The following STAG1 variants were observed in gnomAD, a reference collection of about 807,000 sequenced individuals.
STAG1 encodes the protein STAG1 cohesin complex component.
A neutral mutation model predicts 170.9 loss-of-function variants in STAG1; 26 were observed. That is an observed-to-expected ratio of 0.15 (90% CI 0.11 to 0.21). The LOEUF (loss-of-function observed/expected upper bound fraction) is 0.21, where lower values mean the gene tolerates loss of function less well. Ranked by LOEUF, STAG1 falls within the 10% of genes least tolerant of loss-of-function variation. STAG1 has a pLI of 1.00. For missense variants in STAG1, 964 were observed against 1,509.5 expected (o/e 0.64, Z 5.99); for synonymous variants, 514 against 497.7 (o/e 1.03, Z -0.44).
At chr3:136,563,307 A>G (rs1936917354) in intron 5 of STAG1, among the ~76,000 whole-genome samples, 1 of 152,082 alleles carries the variant, frequency 6.6e-6, no homozygotes, top group Non-Finnish European at 1.5e-5. Flanking sequence ...TACACCTTTC[A>G]GTGTGGTTGT....
chr3:136,621,923 A>C (rs909070926), intron 3 of STAG1, among the ~76,000 whole-genome samples: 1 of 151,510 alleles, frequency 6.6e-6, no homozygotes, highest in South Asian at 2.1e-4. Context: ...CAAACTATAA[A>C]ACTGGCTATT....
chr3:136,644,032 A>T (rs1435840386), intron 1 of STAG1, among the ~76,000 whole-genome samples: 1 of 152,172 alleles, frequency 6.6e-6, no homozygotes, highest in Non-Finnish European at 1.5e-5. Flanking sequence ...TACAGACCAT[A>T]ATCATGTTGT....
chr3:136,576,725 TAA>T (rs1270682393), intron 4 of STAG1, among the ~76,000 whole-genome samples: 3 of 152,170 alleles, frequency 2.0e-5, no homozygotes, highest in African/African-American at 7.2e-5. Flanking sequence ...AAGGTAAACC[TAA>T]AAGATAAATC....
chr3:136,694,826 G>T (rs1942834876), intron 1 of STAG1, among the ~76,000 whole-genome samples: 1 of 152,136 alleles, frequency 6.6e-6, no homozygotes. Context: ...TGTAAGTAGA[G>T]GCTGGGAAGC....
intron 16 of STAG1, among the ~76,000 whole-genome samples, chr3:136,430,944 C>T (rs2088285671): frequency 1.3e-5 from 2 of 151,702 alleles, no homozygotes; most frequent in Admixed American, 1.3e-4. Context: ...TACTCTGTCA[C>T]CCAGGCTAGA....
intron 27 of STAG1, among the ~76,000 whole-genome samples, chr3:136,358,157 G>T (rs1048315461): frequency 2.7e-5 from 4 of 150,548 alleles, no homozygotes; most frequent in Non-Finnish European, 5.9e-5. Context: ...GTGCTATCAT[G>T]GCTCACTGCC....
At chr3:136,498,209 A>ATT (rs1248642928) in intron 9 of STAG1, among the ~76,000 whole-genome samples, 8 of 6,932 alleles carry the variant, frequency 1.2e-3, no homozygotes, top group African/African-American at 2.3e-3. Context: ...AAAAAAAAAA[A>ATT]TTATATATAT....
intron 22 of STAG1, among the ~76,000 whole-genome samples, chr3:136,379,809 A>G (rs1356941317): frequency 1.3e-5 from 2 of 152,226 alleles, no homozygotes; most frequent in South Asian, 2.1e-4. Flanking sequence ...AAGCTAAAGA[A>G]GAATAAAACC....
At chr3:136,535,285 A>G (rs1429266773) in intron 6 of STAG1, among the ~76,000 whole-genome samples, 1 of 152,224 alleles carries the variant, frequency 6.6e-6, no homozygotes, top group East Asian at 1.9e-4. Flanking sequence ...ATAAACTTAC[A>G]GTTAGATAGA....
Position 136,344,110 on chromosome 3 carries a change from C to T in STAG1, c.3272-104G>A, listed in dbSNP as rs1576373118. 4.5e-5 allele frequency: 35 copies of T among 786,460 alleles called. No individual in the cohort carries two copies. In the East Asian group the frequency reaches 1.1e-3, roughly 24 times the overall value. 48.7% of individuals were successfully genotyped at this position (786,460 alleles called of 1,614,324 possible). ...GAGTGTGGCTCTGCAGTCAGACTGC[C>T]CACTTTAAATCTCAGTTCCACCACT... is the stretch of plus-strand genomic sequence containing the variant. On this transcript the variant is annotated intron_variant, in intron 29 of 33. Transcript: ENST00000383202.
chr3:136,594,108 T>C (rs1162261355), intron 4 of STAG1, among the ~76,000 whole-genome samples: 1 of 152,178 alleles, frequency 6.6e-6, no homozygotes, highest in African/African-American at 2.4e-5. Context: ...AGCTCAGAAA[T>C]GCATACAAGC....
intron 10 of STAG1, among the ~76,000 whole-genome samples, chr3:136,475,569 G>T (rs2089728785): frequency 6.6e-6 from 1 of 152,194 alleles, no homozygotes; most frequent in Admixed American, 6.6e-5. Flanking sequence ...CTGGGAATCA[G>T]ACTTCAATAA....
At chr3:136,653,099 C>G (rs112492281) in intron 1 of STAG1, among the ~76,000 whole-genome samples, 7 of 151,974 alleles carry the variant, frequency 4.6e-5, no homozygotes, top group African/African-American at 1.4e-4. Flanking sequence ...ATAGAGAAAC[C>G]CTGTCTCTAC....
chr3:136,692,828 G>C (rs943103472), intron 1 of STAG1, among the ~76,000 whole-genome samples: 11 of 152,116 alleles, frequency 7.2e-5, no homozygotes, highest in Non-Finnish European at 1.5e-4. Flanking sequence ...CAACTTGTAA[G>C]GCAGATTGGC....
chr3:136,610,313 G>A (rs1027860408), intron 3 of STAG1, among the ~76,000 whole-genome samples: 75 of 152,276 alleles, frequency 4.9e-4, no homozygotes, highest in Non-Finnish European at 3.2e-4. Flanking sequence ...GGGATTACAG[G>A]TGTAAGCCAC....
At chr3:136,340,433 TC>T in intron 32 of STAG1, 57 bp downstream of exon 32, 1 of 1,163,340 alleles carries the variant, frequency 8.6e-7, no homozygotes, top group South Asian at 1.2e-5. Context: ...AAGAGGATCA[TC>T]TTACACCAAT....
At chr3:136,388,261 A>C (rs1420882257) in intron 22 of STAG1, among the ~76,000 whole-genome samples, 1 of 152,210 alleles carries the variant, frequency 6.6e-6, no homozygotes, top group Non-Finnish European at 1.5e-5. Flanking sequence ...TTATCTTGCC[A>C]CAGGTGGTAA....
chr3:136,736,543 T>G lies in STAG1; in HGVS notation c.-84+15652A>C, dbSNP rs188489177. 1.9e-4 allele frequency: 281 copies of G among 1,494,858 alleles called. No individual in the cohort carries two copies. In the African/African-American group the frequency reaches 2.0e-3, roughly 11 times the overall value. 92.6% of individuals were successfully genotyped at this position (1,494,858 alleles called of 1,614,324 possible). ...TTCGGTGGTCTCAGGAAGGTCCGAT[T>G]TATCTTCTCTTTCTTCCCCTTTGTA... On this transcript the variant is annotated intron_variant, in intron 1 of 33. Coordinates refer to ENST00000383202, the MANE Select transcript of STAG1 (RefSeq NM_005862.3).
At chr3:136,411,655 A>G (rs1178328621) in intron 21 of STAG1, among the ~76,000 whole-genome samples, 1 of 152,154 alleles carries the variant, frequency 6.6e-6, no homozygotes, top group African/African-American at 2.4e-5. Context: ...TGCTTAAAAA[A>G]TAATAATAAT....
Sources: allele counts gnomAD v4.1 joint callset (sites outside exome capture counted in the v4.1 genomes callset), GRCh38; gene constraint gnomAD v4.1.1; transcripts MANE v1.5; gene names NCBI Gene and HGNC (gene_info 2026-07-23, HGNC 2026-07-21).